The following TIMM17B variants were observed in gnomAD, a reference collection of about 807,000 sequenced individuals.
TIMM17B encodes translocase of inner mitochondrial membrane 17B, also known as mitochondrial import inner membrane translocase subunit Tim17-B.
A neutral mutation model predicts 15.9 loss-of-function variants in TIMM17B; 10 were observed. The observed-to-expected ratio is 0.63, with a 90% CI of 0.39 to 1.06. TIMM17B has a LOEUF of 1.06. Ranked by LOEUF, TIMM17B falls within the 50% of genes least tolerant of loss-of-function variation. TIMM17B has a pLI of 0.01. For synonymous variants in TIMM17B, 57 were observed against 57.2 expected, an observed-to-expected ratio of 1.00 and a Z score of 0.02; for missense variants, 114 against 152.2, an observed-to-expected ratio of 0.75 and a Z score of 1.32.
chrX:48,895,162 A>C (rs1422114553), intron 3 of TIMM17B, 61 bp from the exon 3 acceptor site: 12 of 968,309 alleles, frequency 1.2e-5, no homozygotes, highest in Non-Finnish European at 1.7e-5. Flanking sequence ...CACGTTTCCA[A>C]CTTTTAAGAG....
chrX:48,896,626 G>A (rs2063315386), intron 3 of TIMM17B, 133 bp downstream of exon 2: 4 of 1,094,652 alleles, frequency 3.7e-6, no homozygotes, highest in Non-Finnish European at 3.6e-6. Flanking sequence ...AGCCAGGCTC[G>A]GCACATAGTA....
chrX:48,897,757 G>T (rs1557039898), exon 2 of TIMM17B: 3 of 1,207,834 alleles, frequency 2.5e-6, no homozygotes, highest in Non-Finnish European at 3.4e-6. Context: ...CATGGCGCTG[G>T]CGTCTGGCCG....
chrX:48,897,720 GTAC>G lies in TIMM17B; in HGVS notation c.26+1_26+3del, dbSNP rs2063328768. 8.3e-7 allele frequency: 1 copy of G among 1,203,906 alleles called. No homozygotes were observed. Among genetic ancestry groups the G allele is most frequent in the African/African-American group, 1.7e-5 (1 of 57,260 alleles). ...ATTCCGGATGCCTGTGCCCATTGCC[GTAC>G]CAGGGCTCCCGAGCGTACTCCTCCA... On this transcript the variant is annotated splice_donor_variant and splice_donor_region_variant and intron_variant, in intron 2 of 6. Coordinates refer to ENST00000376582, the Ensembl canonical transcript of TIMM17B. LOFTEE classifies it high-confidence loss of function.
At chrX:48,897,641 C>G (rs2147445378) in intron 2 of TIMM17B, 83 bp downstream of exon 1, 1 of 802,890 alleles carries the variant, frequency 1.2e-6, no homozygotes, top group East Asian at 3.3e-5. Context: ...TGGCTCTGTG[C>G]GGCCGATGCC....
rs1189109762 is a variant in TIMM17B at position 48,897,959 on chromosome X, C to T, written c.-73+108G>A. 2.2e-5 allele frequency: 19 copies of T among 880,936 alleles called. No individual in the cohort carries two copies. The African/African-American group carries it at 3.9e-4, about 18-fold the overall frequency. The allele number at this position is 880,936 out of a possible 1,213,427, so 72.6% of individuals were successfully genotyped here. A position where few individuals can be genotyped will look rare whatever the true frequency, so the allele number is the denominator to read the frequency against. On this transcript the variant is annotated intron_variant, in intron 1 of 6. Coordinates refer to ENST00000376582, the Ensembl canonical transcript of TIMM17B. ...TACTTTCAGGCTCGGGGAGTGAAGG[C>T]CTCGTTGAGAGAAGGTCTCATTCGG...
At chrX:48,894,103 C>A in exon 5 of TIMM17B, 1 of 1,197,214 alleles carries the variant, frequency 8.4e-7, no homozygotes, top group South Asian at 1.8e-5. Flanking sequence ...TCACTGCGGG[C>A]AGCCAGCACA....
chrX:48,894,090 C>T lies in TIMM17B; in HGVS notation c.319+7G>A, dbSNP rs2063296285. Reference sequence around the variant, plus strand: ...AGGGGCTGGGGCCAGGGCCAGGGGTCACTCACTGCGGGCAGCCAGCACAGC... The same window carrying T: ...AGGGGCTGGGGCCAGGGCCAGGGGTTACTCACTGCGGGCAGCCAGCACAGC... On this transcript the variant is annotated splice_region_variant and intron_variant, in intron 5 of 6. Coordinates refer to ENST00000376582, the Ensembl canonical transcript of TIMM17B. 8.4e-7 allele frequency: 1 copy of T among 1,195,843 alleles called. No homozygotes were observed. Among genetic ancestry groups the T allele is most frequent in the Non-Finnish European group, 1.1e-6 (1 of 887,544 alleles).
chrX:48,895,029 G>A lies in TIMM17B; in HGVS notation c.190+9C>T. On this transcript the variant is annotated intron_variant, in intron 4 of 6. Transcript: ENST00000376582. ...ACATCTCCTATATCTATCTCCCCAA[G>A]TCCCTCACCTCCAATCTGGGGGGCT... 8.4e-7 allele frequency: 1 copy of A among 1,191,107 alleles called. No homozygotes were observed. The highest frequency in any genetic ancestry group is 1.1e-6 in the Non-Finnish European group (1 of 882,609).
At chrX:48,897,930 C>T in intron 1 of TIMM17B, 162 bp from the exon 1 acceptor site, 1 of 864,804 alleles carries the variant, frequency 1.2e-6, no homozygotes, top group Non-Finnish European at 1.6e-6. Context: ...GAGCGTAGTC[C>T]AGTTACTTTC....
exon 7 of TIMM17B, chrX:48,893,697 G>A (rs782749561): frequency 1.4e-5 from 15 of 1,092,962 alleles, no homozygotes; most frequent in Non-Finnish European, 1.8e-5. Context: ...GGAGGGAACC[G>A]AGAAGTAGCT....
intron 2 of TIMM17B, 156 bp from the exon 2 acceptor site, chrX:48,897,014 C>A: frequency 9.4e-7 from 1 of 1,059,458 alleles, no homozygotes; most frequent in Non-Finnish European, 1.2e-6. Flanking sequence ...TTCTGTCACG[C>A]TTTTTCCACA....
At position 48,893,890 on chromosome X, in the gene TIMM17B, A is replaced by T; in HGVS notation, c.430+10T>A. 8.3e-7 allele frequency: 1 copy of T among 1,202,353 alleles called. No homozygotes were observed. Among genetic ancestry groups the T allele is most frequent in the South Asian group, 1.8e-5 (1 of 56,324 alleles). On this transcript the variant is annotated intron_variant, in intron 6 of 6. Transcript: ENST00000376582. ...AGTATTTCCCACTCCCCCGACCACC[A>T]GTTACTCACCATTTCGGAACTGCTG...
At position 48,895,421 on chromosome X, in the gene TIMM17B, C is replaced by T. The variant is rs1205018583; in HGVS notation, c.127-320G>A. On this transcript the variant is annotated intron_variant, in intron 3 of 6. Coordinates refer to ENST00000376582, the Ensembl canonical transcript of TIMM17B. ...ACAAGGTAGGTCTGCTCTCTGCCCT[C>T]TCAGAGCTCACATTAACGGTGGGAG... The T allele has an allele frequency of 1.4e-5, 7 of 514,948 alleles. No homozygotes were observed. The African/African-American group carries it at 1.6e-4, about 12-fold the overall frequency. The allele number at this position is 514,948 out of a possible 1,213,427, so 42.4% of individuals were successfully genotyped here. A position where few individuals can be genotyped will look rare whatever the true frequency, so the allele number is the denominator to read the frequency against.
rs1272706494 is a variant in TIMM17B at position 48,894,525 on chromosome X, A to G, written c.191-300T>C. Among the ~76,000 whole-genome samples, 15 of 111,648 alleles carry G rather than the reference A, an allele frequency of 1.3e-4. 1 individual carries two copies. The highest frequency in any genetic ancestry group is 5.8e-4 in the Admixed American group (6 of 10,429). On this transcript the variant is annotated intron_variant, in intron 4 of 6. Coordinates refer to ENST00000376582, the Ensembl canonical transcript of TIMM17B. ...AGCAACTTTGAGCTTCATAATCACC[A>G]CACAGAGTTGGAATTCTGATTTGGG...
chrX:48,894,524 C>T (rs1482835213), intron 4 of TIMM17B, among the ~76,000 whole-genome samples: 9 of 111,530 alleles, frequency 8.1e-5, no homozygotes, highest in Admixed American at 3.8e-4. Context: ...TCATAATCAC[C>T]ACACAGAGTT....
chrX:48,894,346 G>C, intron 4 of TIMM17B, 121 bp from the exon 4 acceptor site: 1 of 726,375 alleles, frequency 1.4e-6, no homozygotes, highest in African/African-American at 2.1e-5. Context: ...CACAAAGGCA[G>C]ATAGCAAACC....
intron 2 of TIMM17B, 83 bp downstream of exon 1, chrX:48,897,641 C>T: frequency 3.7e-6 from 3 of 802,880 alleles, no homozygotes; most frequent in Non-Finnish European, 5.6e-6. Flanking sequence ...TGGCTCTGTG[C>T]GGCCGATGCC....
chrX:48,897,196 CAG>C, intron 2 of TIMM17B: 2 of 290,997 alleles, frequency 6.9e-6, no homozygotes, highest in South Asian at 1.2e-4. Flanking sequence ...CTAGCCAAGA[CAG>C]ACTGTCAGCA....
rs1557039921 is a variant in TIMM17B, at chrX:48,897,779, C to T, written c.-30G>A. The stretch of plus-strand genomic sequence containing the variant: ...CTGGCGTCTGGCCGCGCAGTCAGGC[C>T]ACGCCCCCAGCGTAGACGCACACCG... On this transcript the variant is annotated 5_prime_UTR_variant, in exon 2 of 7. Coordinates refer to ENST00000376582, the Ensembl canonical transcript of TIMM17B. The T allele has an allele frequency of 8.3e-7, 1 of 1,206,287 alleles. No individual in the cohort carries two copies. The highest frequency in any genetic ancestry group is 1.7e-5 in the African/African-American group (1 of 57,528).
Sources: gnomAD v4.1 joint callset for allele counts (sites outside exome capture counted in the v4.1 genomes callset) on GRCh38, gnomAD v4.1.1 for gene constraint, MANE v1.5 for transcripts, NCBI Gene and HGNC (gene_info 2026-07-23, HGNC 2026-07-21) for gene names.